Variants in RBMS3 observed in about 807,000 individuals in gnomAD.
RBMS3 encodes the protein RNA binding motif single stranded interacting protein 3, also known as RNA-binding motif, single-stranded-interacting protein 3.
Under a neutral mutation model 66.8 loss-of-function variants are expected in RBMS3, and 27 were observed. The ratio of observed to expected loss-of-function variants is 0.40; its 90% CI spans 0.30 to 0.56. The LOEUF is 0.56. RBMS3 is among the 20% of genes least tolerant of loss of function. The pLI is 0.40. For synonymous variants in RBMS3, 188 were observed against 183.0 expected (o/e 1.03, Z -0.22); for missense variants, 513 against 549.5 (o/e 0.93, Z 0.66).
At chr3:29,643,723 G>C (rs1190078123) in intron 4 of RBMS3, among the ~76,000 whole-genome samples, 1 of 152,110 alleles carries the variant, frequency 6.6e-6, no homozygotes, top group African/African-American at 2.4e-5. Context: ...TGATTTGAGG[G>C]AGGTTTCTAG....
At chr3:29,819,700 T>C (rs1033125408) in intron 6 of RBMS3, among the ~76,000 whole-genome samples, 2 of 152,198 alleles carry the variant, frequency 1.3e-5, no homozygotes, top group African/African-American at 2.4e-5. Flanking sequence ...TCTGTGTATA[T>C]ATGCAAAAGA....
intron 1 of RBMS3, among the ~76,000 whole-genome samples, chr3:29,397,782 C>A (rs1268698708): frequency 6.6e-6 from 1 of 152,084 alleles, no homozygotes; most frequent in African/African-American, 2.4e-5. Flanking sequence ...CTCCTGGGCT[C>A]AAGCAATCCA....
intron 3 of RBMS3, among the ~76,000 whole-genome samples, chr3:29,490,095 G>A (rs1011857428): frequency 1.3e-5 from 2 of 149,600 alleles, no homozygotes; most frequent in Non-Finnish European, 3.0e-5. Context: ...CAAGAAAGGG[G>A]TTAAAATTGT....
intron 6 of RBMS3, among the ~76,000 whole-genome samples, chr3:29,863,978 C>A: frequency 6.6e-6 from 1 of 152,044 alleles, no homozygotes; most frequent in East Asian, 1.9e-4. Context: ...GAAAGACCTG[C>A]CTTTTTGGAA....
At chr3:29,871,179 T>C (rs2059482568) in intron 7 of RBMS3, among the ~76,000 whole-genome samples, 1 of 152,154 alleles carries the variant, frequency 6.6e-6, no homozygotes, top group Non-Finnish European at 1.5e-5. Context: ...ATGTTTTTGT[T>C]GTTGCTGTTT....
chr3:29,427,431 C>T (rs2041000854), intron 1 of RBMS3, among the ~76,000 whole-genome samples: 1 of 152,192 alleles, frequency 6.6e-6, no homozygotes, highest in South Asian at 2.1e-4. Context: ...TACCACAGTT[C>T]TTATCGTGTC....
At chr3:29,492,328 T>C (rs2043580047) in intron 3 of RBMS3, among the ~76,000 whole-genome samples, 3 of 152,266 alleles carry the variant, frequency 2.0e-5, no homozygotes, top group South Asian at 4.1e-4. Flanking sequence ...TATGAGAAGA[T>C]ATGATTAGAA....
chr3:29,328,427 A>G (rs2035464156), intron 1 of RBMS3, among the ~76,000 whole-genome samples: 1 of 152,206 alleles, frequency 6.6e-6, no homozygotes. Context: ...GGTATTACAC[A>G]GTTTCTTTCA....
intron 1 of RBMS3, among the ~76,000 whole-genome samples, chr3:29,318,035 T>C (rs997835511): frequency 6.6e-6 from 1 of 151,798 alleles, no homozygotes; most frequent in Non-Finnish European, 1.5e-5. Flanking sequence ...AAGATAATAA[T>C]AGGAAAGATC....
intron 10 of RBMS3, among the ~76,000 whole-genome samples, chr3:29,932,160 C>T (rs1433554337): frequency 6.6e-6 from 1 of 152,156 alleles, no homozygotes; most frequent in Non-Finnish European, 1.5e-5. Flanking sequence ...CAGGTCATCA[C>T]ACTTATTCAG....
intron 2 of RBMS3, among the ~76,000 whole-genome samples, chr3:29,453,850 C>T (rs1208048283): frequency 2.0e-5 from 3 of 152,122 alleles, no homozygotes; most frequent in African/African-American, 7.2e-5. Flanking sequence ...TTTGGCCCTG[C>T]TGGCATCTAT....
At chr3:29,935,710 A>G (rs995619869) in intron 10 of RBMS3, among the ~76,000 whole-genome samples, 1 of 152,158 alleles carries the variant, frequency 6.6e-6, no homozygotes, top group Admixed American at 6.5e-5. Flanking sequence ...AGTCTTATCA[A>G]ATAACAAGAA....
intron 10 of RBMS3, among the ~76,000 whole-genome samples, chr3:29,913,250 A>T (rs1322271339): frequency 6.6e-6 from 1 of 152,004 alleles, no homozygotes; most frequent in African/African-American, 2.4e-5. Flanking sequence ...GCATCAGATA[A>T]AGCTGATATC....
At chr3:29,545,892 T>C (rs1263074304) in intron 3 of RBMS3, among the ~76,000 whole-genome samples, 1 of 152,222 alleles carries the variant, frequency 6.6e-6, no homozygotes, top group Non-Finnish European at 1.5e-5. Flanking sequence ...TCTAGTCTTT[T>C]GATTTTAACT....
intron 2 of RBMS3, among the ~76,000 whole-genome samples, chr3:29,480,221 G>A (rs766128460): frequency 6.6e-6 from 1 of 152,204 alleles, no homozygotes; most frequent in African/African-American, 2.4e-5. Context: ...TTCTTAAAGT[G>A]TGGTCCTGGG....
rs114622615 is a variant in RBMS3, at chr3:29,466,438, G to A, written c.249-22003G>A. On this transcript the variant is annotated intron_variant, in intron 2 of 14. Transcript: ENST00000383767. Reference sequence around the variant, plus strand: ...TAGTGATTGTTTATATATTTTTTTAGCTCCTTCAGAAGATTAAATATTTAA... The same window carrying A: ...TAGTGATTGTTTATATATTTTTTTAACTCCTTCAGAAGATTAAATATTTAA... Among the ~76,000 whole-genome samples the A allele has an allele frequency of 4.9e-3, 742 of 152,108 alleles. 6 individuals carry two copies. The highest frequency in any genetic ancestry group is 0.017 in the African/African-American group (714 of 41,506).
intron 3 of RBMS3, among the ~76,000 whole-genome samples, chr3:29,535,411 T>A (rs1189466128): frequency 6.6e-6 from 1 of 152,160 alleles, no homozygotes; most frequent in African/African-American, 2.4e-5. Flanking sequence ...TAAACTGTAA[T>A]GAAACTGTTC....
At chr3:29,381,529 C>CAT (rs1391701557) in intron 1 of RBMS3, among the ~76,000 whole-genome samples, 1 of 152,104 alleles carries the variant, frequency 6.6e-6, no homozygotes, top group Non-Finnish European at 1.5e-5. Flanking sequence ...TTCACAGTGC[C>CAT]ATCTTTGTAT....
chr3:29,595,785 C>T (rs951894174), intron 4 of RBMS3, among the ~76,000 whole-genome samples: 6 of 152,154 alleles, frequency 3.9e-5, no homozygotes, highest in African/African-American at 1.4e-4. Context: ...GAAAATGAAT[C>T]TTTCAATAGC....
Sources: gnomAD v4.1 joint callset for allele counts (sites outside exome capture counted in the v4.1 genomes callset) on GRCh38, gnomAD v4.1.1 for gene constraint, MANE v1.5 for transcripts, NCBI Gene and HGNC (gene_info 2026-07-23, HGNC 2026-07-21) for gene names.